PTPRD: variants seen among roughly 807,000 people sequenced by gnomAD.
PTPRD encodes the protein protein tyrosine phosphatase receptor type D.
PTPRD carries 34 observed loss-of-function variants against 214.5 expected under a neutral mutation model. The observed-to-expected ratio is 0.16, with a 90% CI of 0.12 to 0.21. PTPRD has a LOEUF of 0.21. Among genes scored for constraint, PTPRD ranks in the 10% least tolerant of loss-of-function variants. The probability of loss-of-function intolerance (pLI) is 1.00; values close to 1 mark genes in which losing one functional copy is unlikely to be tolerated. For synonymous variants in PTPRD, 1,128 were observed against 845.7 expected (o/e 1.33, Z -5.79); for missense variants, 2,545 against 2,398.7 (o/e 1.06, Z -1.27).
intron 3 of PTPRD, among the ~76,000 whole-genome samples, chr9:10,289,887 G>C (rs2095479641): frequency 6.6e-6 from 1 of 152,170 alleles, no homozygotes; most frequent in Admixed American, 6.5e-5. Context: ...AGTGTTCAGA[G>C]AAAAACAGAT....
At chr9:8,471,584 A>G (rs956799757) in intron 30 of PTPRD, among the ~76,000 whole-genome samples, 1 of 152,298 alleles carries the variant, frequency 6.6e-6, no homozygotes, top group East Asian at 1.9e-4. Flanking sequence ...TTTAAGTAAC[A>G]AAAATTAGGT....
At chr9:9,993,316 C>G (rs2096012257) in intron 4 of PTPRD, among the ~76,000 whole-genome samples, 1 of 152,172 alleles carries the variant, frequency 6.6e-6, no homozygotes, top group South Asian at 2.1e-4. Flanking sequence ...CTCCAAAGAG[C>G]AAACGATAAA....
chr9:10,151,548 A>T (rs13297429), intron 3 of PTPRD, among the ~76,000 whole-genome samples: 29,704 of 151,920 alleles, frequency 0.2, 3,141 homozygotes, highest in Admixed American at 0.3. Context: ...GGAGTGAGCC[A>T]CCGTGCCCAA....
chr9:10,045,056 T>G (rs1490028083), intron 3 of PTPRD, among the ~76,000 whole-genome samples: 1 of 151,692 alleles, frequency 6.6e-6, no homozygotes, highest in Non-Finnish European at 1.5e-5. Context: ...CTATGTATTT[T>G]GGGAAAGAAC....
intron 8 of PTPRD, among the ~76,000 whole-genome samples, chr9:9,411,406 T>G (rs2075389525): frequency 6.6e-6 from 1 of 152,138 alleles, no homozygotes; most frequent in Non-Finnish European, 1.5e-5. Flanking sequence ...TTGTAAGCAT[T>G]TTCTGTGGGT....
intron 6 of PTPRD, among the ~76,000 whole-genome samples, chr9:9,744,610 A>G (rs1225020646): frequency 6.6e-6 from 1 of 152,064 alleles, no homozygotes; most frequent in Non-Finnish European, 1.5e-5. Context: ...TCTGCTTGGA[A>G]GAAAAATGCT....
intron 3 of PTPRD, among the ~76,000 whole-genome samples, chr9:10,286,335 A>G (rs1333584229): frequency 6.6e-6 from 1 of 152,166 alleles, no homozygotes; most frequent in African/African-American, 2.4e-5. Flanking sequence ...ACAGTTACTC[A>G]GGAAGTTGAG....
chr9:9,342,397 T>A (rs2047147252), intron 9 of PTPRD, among the ~76,000 whole-genome samples: 1 of 152,060 alleles, frequency 6.6e-6, no homozygotes, highest in Non-Finnish European at 1.5e-5. Flanking sequence ...TGATACAGGG[T>A]TAAAAGGAAA....
chr9:10,430,083 A>G (rs2098663255), intron 2 of PTPRD, among the ~76,000 whole-genome samples: 1 of 151,962 alleles, frequency 6.6e-6, no homozygotes, highest in African/African-American at 2.4e-5. Context: ...TATGTTCTCC[A>G]TAAATGCCTC....
At chr9:9,731,962 C>A (rs1409410823) in intron 7 of PTPRD, among the ~76,000 whole-genome samples, 4 of 152,170 alleles carry the variant, frequency 2.6e-5, no homozygotes, top group South Asian at 4.1e-4. Flanking sequence ...ACACAAGAAC[C>A]TTAGAACATA....
chr9:9,980,361 G>A (rs1337749760), intron 4 of PTPRD, among the ~76,000 whole-genome samples: 1 of 151,610 alleles, frequency 6.6e-6, no homozygotes, highest in Non-Finnish European at 1.5e-5. Flanking sequence ...ATAATCCCAG[G>A]AATTGGGAGG....
At chr9:8,796,031 C>T (rs1405622861) in intron 11 of PTPRD, among the ~76,000 whole-genome samples, 1 of 152,148 alleles carries the variant, frequency 6.6e-6, no homozygotes, top group Non-Finnish European at 1.5e-5. Flanking sequence ...ACTATGATGA[C>T]CACAAAGGCA....
chr9:8,649,407 A>G (rs539830740), intron 12 of PTPRD, among the ~76,000 whole-genome samples: 1 of 152,354 alleles, frequency 6.6e-6, no homozygotes, highest in African/African-American at 2.4e-5. Flanking sequence ...GGATAAGCTG[A>G]CCACAACTTC....
At chr9:8,980,551 T>C (rs1023644400) in intron 11 of PTPRD, among the ~76,000 whole-genome samples, 8 of 152,112 alleles carry the variant, frequency 5.3e-5, no homozygotes, top group Non-Finnish European at 1.2e-4. Context: ...ACATTAGGTT[T>C]CTAGAAATTT....
rs548498453 is a variant in PTPRD, at chr9:9,872,853, TATTA to T, written c.-368+65650_-368+65653del. Among the ~76,000 whole-genome samples the T allele has an allele frequency of 5.3e-3, 810 of 152,154 alleles. 4 individuals carry two copies. The highest frequency in any genetic ancestry group is 0.016 in the South Asian group (79 of 4,824). On this transcript the variant is annotated intron_variant, in intron 5 of 45. Coordinates refer to ENST00000381196, the MANE Select transcript of PTPRD (RefSeq NM_002839.4). ...GAGAGGCAGAAACTGAAAGCAGCAA[TATTA>T]ATCAGCTAAGTAGAAGACAGCCTAT...
At position 10,248,332 on chromosome 9, in the gene PTPRD, T is replaced by G. The variant is rs375464889; in HGVS notation, c.-545+92631A>C. On this transcript the variant is annotated intron_variant, in intron 3 of 45. Coordinates refer to ENST00000381196, the MANE Select transcript of PTPRD (RefSeq NM_002839.4). Reference sequence around the variant, plus strand: ...AAGAACATACATAAAAATTACGAATTATTACCATTCTACAACCTCTAAGTT... The same window carrying G: ...AAGAACATACATAAAAATTACGAATGATTACCATTCTACAACCTCTAAGTT... Among the ~76,000 whole-genome samples the G allele has an allele frequency of 1.9e-3, 296 of 152,120 alleles. 1 individual carries two copies. In the South Asian group the frequency reaches 0.027, roughly 14 times the overall value.
intron 12 of PTPRD, among the ~76,000 whole-genome samples, chr9:8,692,923 C>CA (rs1215986778): frequency 1.3e-5 from 2 of 152,180 alleles, no homozygotes. Context: ...ATTCACTACT[C>CA]AGTTTTGGGT....
chr9:8,467,567 C>G lies in PTPRD; in HGVS notation c.3505-1892G>C, dbSNP rs111458511. Among the ~76,000 whole-genome samples the G allele has an allele frequency of 3.2e-3, 482 of 151,726 alleles. 5 individuals are homozygous for G. Among genetic ancestry groups the G allele is most frequent in the African/African-American group, 0.011 (456 of 41,410 alleles). On this transcript the variant is annotated intron_variant, in intron 31 of 45. Transcript: ENST00000381196. ...CTCAATATATAATTAGACTCAATTA[C>G]TGAAATAAAATGAAATTCCATGTTA...
At chr9:9,238,145 A>C (rs1476000288) in intron 9 of PTPRD, among the ~76,000 whole-genome samples, 1 of 152,068 alleles carries the variant, frequency 6.6e-6, no homozygotes, top group African/African-American at 2.4e-5. Context: ...AATCCAGGAA[A>C]GGCACTATTG....
Sources: allele counts gnomAD v4.1 joint callset (sites outside exome capture counted in the v4.1 genomes callset), GRCh38; gene constraint gnomAD v4.1.1; transcripts MANE v1.5; gene names NCBI Gene and HGNC (gene_info 2026-07-23, HGNC 2026-07-21).